Variants in TIMM17A observed in about 807,000 individuals in gnomAD.
The protein encoded by TIMM17A is translocase of inner mitochondrial membrane 17A.
TIMM17A carries 15 observed loss-of-function variants against 26.5 expected under a neutral mutation model. That is an observed-to-expected ratio of 0.57 (90% CI 0.38 to 0.87). The LOEUF is 0.87. Ranked by LOEUF, TIMM17A falls within the 40% of genes least tolerant of loss-of-function variation. The pLI, the probability that TIMM17A is intolerant of heterozygous loss-of-function variation, is 0.00. For missense variants in TIMM17A, 201 were observed against 210.0 expected (o/e 0.96, Z 0.27); for synonymous variants, 80 against 70.8 (o/e 1.13, Z -0.66).
At chr1:201,959,184 G>A (rs917397378) in intron 3 of TIMM17A, among the ~76,000 whole-genome samples, 1 of 152,182 alleles carries the variant, frequency 6.6e-6, no homozygotes, top group African/African-American at 2.4e-5. Context: ...AAAGAAGCCT[G>A]TGAAGACATA....
At chr1:201,962,143 C>T in intron 3 of TIMM17A, 1 of 152,062 alleles carries the variant, frequency 6.6e-6, no homozygotes, top group East Asian at 1.9e-4. Context: ...ATTTTAGGCT[C>T]ATGAGGAAAT....
intron 3 of TIMM17A, 132 bp downstream of exon 3, chr1:201,957,706 A>G (rs1350312790): frequency 6.2e-6 from 4 of 648,824 alleles, no homozygotes; most frequent in Non-Finnish European, 1.0e-5. Context: ...ATATATCCCT[A>G]TAGTTTCTTC....
At chr1:201,963,247 T>C (rs1033488875) in intron 3 of TIMM17A, 1 of 175,024 alleles carries the variant, frequency 5.7e-6, no homozygotes, top group African/African-American at 2.4e-5. Flanking sequence ...GGCTAATTTT[T>C]ACATTTTTAG....
At chr1:201,968,256 C>G (rs749169432) in intron 5 of TIMM17A, among the ~76,000 whole-genome samples, 1 of 152,010 alleles carries the variant, frequency 6.6e-6, no homozygotes, top group Non-Finnish European at 1.5e-5. Context: ...CCGCCTTGAC[C>G]TCCCAAAGTG....
chr1:201,958,939 G>A (rs773379811), intron 3 of TIMM17A, among the ~76,000 whole-genome samples: 26 of 152,124 alleles, frequency 1.7e-4, no homozygotes, highest in Admixed American at 1.6e-3. Flanking sequence ...TTTGTTCCCT[G>A]TGTAAGAATT....
Position 201,970,070 on chromosome 1 carries a change from C to A in TIMM17A, c.*516C>A, listed in dbSNP as rs1447026210. 6.6e-6 allele frequency: 1 copy of A among 152,634 alleles called. No individual in the cohort carries two copies. Among genetic ancestry groups the A allele is most frequent in the African/African-American group, 2.4e-5 (1 of 41,444 alleles). 9.5% of individuals were successfully genotyped at this position (152,634 alleles called of 1,614,324 possible). A position where few individuals can be genotyped will look rare whatever the true frequency, so the allele number is the denominator to read the frequency against. On this transcript the variant is annotated 3_prime_UTR_variant, in exon 6 of 6. Transcript: ENST00000367287. ...TATGCAGAGTCAACATGGATCATTT[C>A]ACAGTGAGATGCTTTATGGATTGAA...
intron 5 of TIMM17A, among the ~76,000 whole-genome samples, chr1:201,967,015 G>GTGTATA (rs59893489): frequency 8.4e-6 from 1 of 118,836 alleles, no homozygotes; most frequent in Non-Finnish European, 1.7e-5. Context: ...GTGTGTGTGT[G>GTGTATA]TATATATATA....
chr1:201,955,589 C>G (rs115324519), intron 1 of TIMM17A, 37 bp downstream of exon 1: 5 of 1,614,104 alleles, frequency 3.1e-6, no homozygotes, highest in South Asian at 2.2e-5. Flanking sequence ...TCTCTTGCCC[C>G]CCTGCCCACT....
intron 3 of TIMM17A, chr1:201,958,078 A>C (rs1045842793): frequency 6.5e-6 from 1 of 154,356 alleles, no homozygotes; most frequent in Non-Finnish European, 1.4e-5. Context: ...CGGAGGTTGC[A>C]GTGAGCCAAG....
chr1:201,965,921 C>T (rs898727737), intron 5 of TIMM17A, among the ~76,000 whole-genome samples: 1 of 152,122 alleles, frequency 6.6e-6, no homozygotes, highest in Admixed American at 6.6e-5. Context: ...CAGGACAGTT[C>T]CTGCCCTCAA....
intron 5 of TIMM17A, 120 bp downstream of exon 5, chr1:201,965,663 G>T: frequency 1.4e-6 from 1 of 713,984 alleles, no homozygotes; most frequent in South Asian, 1.8e-5. Flanking sequence ...TGGTTCATGA[G>T]GACTGTGATA....
chr1:201,956,734 G>T (rs1682418082), intron 1 of TIMM17A, among the ~76,000 whole-genome samples: 2 of 152,156 alleles, frequency 1.3e-5, no homozygotes. Context: ...GGCCGAGGCG[G>T]ATCACGAGGT....
In TIMM17A at chr1:201,970,142, A is replaced by G. The variant is rs937876870; in HGVS notation, c.*588A>G. ...GTTTACTTTGAAAGTAAAATATACT[A>G]TGTCTTGGTTTTGAGGATATTGGAT... On this transcript the variant is annotated 3_prime_UTR_variant, in exon 6 of 6. Coordinates refer to ENST00000367287, the MANE Select transcript of TIMM17A (RefSeq NM_006335.3). 6 of 152,216 alleles carry G rather than the reference A, an allele frequency of 3.9e-5. No homozygotes were observed. Among genetic ancestry groups the G allele is most frequent in the African/African-American group, 1.2e-4 (5 of 41,440 alleles). The allele number at this position is 152,216 out of a possible 1,614,324, so 9.4% of individuals were successfully genotyped here.
chr1:201,958,815 C>A (rs1364843346), intron 3 of TIMM17A, among the ~76,000 whole-genome samples: 1 of 152,170 alleles, frequency 6.6e-6, no homozygotes, highest in Admixed American at 6.5e-5. Flanking sequence ...ATAATCTTCT[C>A]TTTGCTTTTC....
In TIMM17A at chr1:201,960,980, C is replaced by T. The variant is rs991858491; in HGVS notation, c.191-2636C>T. ...GGTCAGGCAGGTCTTGAACTCCCTACCTCAGGTGATCCGCCTACCTCAGCC... is the reference window on the plus strand; with the variant it reads ...GGTCAGGCAGGTCTTGAACTCCCTATCTCAGGTGATCCGCCTACCTCAGCC... On this transcript the variant is annotated intron_variant, in intron 3 of 5. Transcript: ENST00000367287. Among the ~76,000 whole-genome samples the T allele has an allele frequency of 2.0e-5, 3 of 152,022 alleles. No individual in the cohort carries two copies. The East Asian group carries it at 5.8e-4, about 29-fold the overall frequency.
Position 201,955,566 on chromosome 1 carries a change from C to T in TIMM17A, c.26+14C>T. ...GCGAGAGCCTTGGTGAGCTTCACCG[C>T]TGTCTTTGCATTTCTCTTGCCCCCC... On this transcript the variant is annotated intron_variant, in intron 1 of 5. Transcript: ENST00000367287. 6.2e-7 allele frequency: 1 copy of T among 1,614,252 alleles called. No individual in the cohort carries two copies. Among genetic ancestry groups the T allele is most frequent in the African/African-American group, 1.3e-5 (1 of 75,076 alleles).
Position 201,970,534 on chromosome 1 carries a change from T to C in TIMM17A, c.*980T>C, listed in dbSNP as rs1007318269. ...GAAATGGAGAACAAAGCCATGTGGG[T>C]ACTGTAAACACACGTTTATCTTTTG... is the stretch of plus-strand genomic sequence containing the variant. On this transcript the variant is annotated 3_prime_UTR_variant, in exon 6 of 6. Transcript: ENST00000367287. 6.6e-6 allele frequency: 1 copy of C among 152,210 alleles called. No individual in the cohort carries two copies. Among genetic ancestry groups the C allele is most frequent in the African/African-American group, 2.4e-5 (1 of 41,440 alleles). The allele number at this position is 152,210 out of a possible 1,614,324, so 9.4% of individuals were successfully genotyped here.
chr1:201,957,661 G>A, intron 3 of TIMM17A, 87 bp downstream of exon 3: 1 of 1,141,734 alleles, frequency 8.8e-7, no homozygotes, highest in Non-Finnish European at 1.3e-6. Context: ...ACAACAATTA[G>A]TGATTTTAGT....
intron 3 of TIMM17A, chr1:201,963,371 C>T (rs915591529): frequency 5.0e-5 from 18 of 361,000 alleles, no homozygotes; most frequent in Middle Eastern, 8.3e-4. Flanking sequence ...CTATGGCACC[C>T]GGCTGGCTTA....
Sources: gnomAD v4.1 joint callset for allele counts (sites outside exome capture counted in the v4.1 genomes callset) on GRCh38, gnomAD v4.1.1 for gene constraint, MANE v1.5 for transcripts, NCBI Gene and HGNC (gene_info 2026-07-23, HGNC 2026-07-21) for gene names.